The following DOCK5 variants were observed in gnomAD, a reference collection of about 807,000 sequenced individuals.
DOCK5 encodes the protein dedicator of cytokinesis 5.
A neutral mutation model predicts 251.8 loss-of-function variants in DOCK5; 142 were observed. The observed-to-expected ratio is 0.56, with a 90% CI of 0.49 to 0.65. DOCK5 has a LOEUF of 0.65. Among genes scored for constraint, DOCK5 ranks in the 30% least tolerant of loss-of-function variants. The pLI is 0.00. For synonymous variants in DOCK5, 842 were observed against 835.5 expected (o/e 1.01, Z -0.13); for missense variants, 2,111 against 2,312.3 (o/e 0.91, Z 1.79).
intron 2 of DOCK5, among the ~76,000 whole-genome samples, chr8:25,250,912 T>G (rs1260490673): frequency 2.0e-5 from 3 of 152,190 alleles, no homozygotes; most frequent in African/African-American, 7.2e-5. Flanking sequence ...GCTGTCTTTG[T>G]GACAAGGACA....
At chr8:25,262,290 A>C (rs1007057712) in intron 2 of DOCK5, among the ~76,000 whole-genome samples, 1 of 151,892 alleles carries the variant, frequency 6.6e-6, no homozygotes, top group African/African-American at 2.4e-5. Flanking sequence ...TAGAGTTATA[A>C]TTTGCATAGA....
chr8:25,308,096 G>A (rs1804995107), intron 11 of DOCK5, among the ~76,000 whole-genome samples: 1 of 152,126 alleles, frequency 6.6e-6, no homozygotes, highest in Non-Finnish European at 1.5e-5. Context: ...CTATTGTACT[G>A]CACCAGGCCG....
At chr8:25,265,850 C>T (rs1426220838) in intron 2 of DOCK5, among the ~76,000 whole-genome samples, 3 of 151,750 alleles carry the variant, frequency 2.0e-5, no homozygotes, top group Non-Finnish European at 4.4e-5. Context: ...CTTGAGAAGC[C>T]AGATTTAAAG....
At chr8:25,398,736 G>A (rs562441210) in intron 45 of DOCK5, among the ~76,000 whole-genome samples, 1 of 152,154 alleles carries the variant, frequency 6.6e-6, no homozygotes, top group East Asian at 1.9e-4. Flanking sequence ...CTTTTTATAA[G>A]GACACCAGTC....
chr8:25,403,480 A>AG, intron 47 of DOCK5, 78 bp from the exon 48 acceptor site: 1 of 1,512,244 alleles, frequency 6.6e-7, no homozygotes, highest in Non-Finnish European at 9.1e-7. Context: ...GTTAGCCACA[A>AG]GCAAACAGGG....
At chr8:25,278,540 G>T (rs768219732) in intron 4 of DOCK5, 29 bp from the exon 5 acceptor site, 18 of 1,609,806 alleles carry the variant, frequency 1.1e-5, no homozygotes, top group Admixed American at 1.0e-4. Context: ...CAGCCTAGAA[G>T]AAAGTGACCC....
At chr8:25,402,093 A>T (rs1186533250) in intron 47 of DOCK5, among the ~76,000 whole-genome samples, 1 of 151,990 alleles carries the variant, frequency 6.6e-6, no homozygotes, top group Non-Finnish European at 1.5e-5. Context: ...CTTTGAATTC[A>T]TCCTGTTCTC....
intron 1 of DOCK5, among the ~76,000 whole-genome samples, chr8:25,233,584 G>A (rs1277628025): frequency 6.6e-6 from 1 of 152,182 alleles, no homozygotes; most frequent in Non-Finnish European, 1.5e-5. Context: ...CTTTACTGAT[G>A]AGGGAACAGA....
At chr8:25,400,447 G>A (rs1801418162) in intron 46 of DOCK5, among the ~76,000 whole-genome samples, 1 of 125,356 alleles carries the variant, frequency 8.0e-6, no homozygotes, top group South Asian at 2.7e-4. Context: ...GCAGTGAGCC[G>A]AGATCACGCC....
intron 44 of DOCK5, among the ~76,000 whole-genome samples, chr8:25,393,531 A>G (rs1234521886): frequency 1.3e-5 from 2 of 152,122 alleles, no homozygotes; most frequent in African/African-American, 4.8e-5. Context: ...CTTCTGCCCC[A>G]TCTCCTAGGC....
At chr8:25,295,879 G>A (rs1216103847) in intron 6 of DOCK5, among the ~76,000 whole-genome samples, 3 of 152,066 alleles carry the variant, frequency 2.0e-5, no homozygotes, top group Admixed American at 2.0e-4. Flanking sequence ...GAGTGCAGTG[G>A]TGCAATCCTG....
At chr8:25,194,838 A>G (rs937370046) in intron 1 of DOCK5, among the ~76,000 whole-genome samples, 4 of 152,028 alleles carry the variant, frequency 2.6e-5, no homozygotes, top group Non-Finnish European at 5.9e-5. Flanking sequence ...CTTCCTCCAA[A>G]ATATGTCCTC....
chr8:25,410,956 T>C (rs1392064313), intron 51 of DOCK5, among the ~76,000 whole-genome samples: 1 of 29,394 alleles, frequency 3.4e-5, no homozygotes, highest in African/African-American at 8.1e-5. Flanking sequence ...TGTGTGTGTG[T>C]GTGTGTGTGT....
chr8:25,243,360 T>A (rs1271053395), intron 1 of DOCK5, among the ~76,000 whole-genome samples: 1 of 150,596 alleles, frequency 6.6e-6, no homozygotes, highest in Non-Finnish European at 1.5e-5. Context: ...AGACGGAGTC[T>A]CATTTTATCA....
chr8:25,222,896 G>C (rs1510759), intron 1 of DOCK5, among the ~76,000 whole-genome samples: 37,452 of 152,102 alleles, frequency 0.25, 6,076 homozygotes, highest in African/African-American at 0.46. Flanking sequence ...TGGCAGCTAC[G>C]TCGCCAGCAG....
At chr8:25,281,343 G>A (rs922723591) in intron 5 of DOCK5, among the ~76,000 whole-genome samples, 5 of 148,902 alleles carry the variant, frequency 3.4e-5, no homozygotes, top group African/African-American at 9.9e-5. Context: ...CAGGAGAATC[G>A]CAGGAGAATC....
rs570017383 is a variant in DOCK5, at chr8:25,299,114, C to A, written c.764+13C>A. On this transcript the variant is annotated intron_variant, in intron 8 of 51. Transcript: ENST00000276440. ...CCACTTTTATCAGGTAGCAGAGACCCACATCCCCTGCTGCTGACCTAACAA... is the reference window on the plus strand; with the variant it reads ...CCACTTTTATCAGGTAGCAGAGACCAACATCCCCTGCTGCTGACCTAACAA... The A allele has an allele frequency of 6.2e-7, 1 of 1,611,794 alleles. No individual in the cohort carries two copies. Among genetic ancestry groups the A allele is most frequent in the South Asian group, 1.1e-5 (1 of 90,732 alleles).
chr8:25,396,763 CGTGTGTGTGTGTGTGT>C (rs5890230), intron 45 of DOCK5, among the ~76,000 whole-genome samples: 44,156 of 147,152 alleles, frequency 0.3, 6,536 homozygotes, highest in Non-Finnish European at 0.32. Flanking sequence ...CTCTTGTGTC[CGTGTGTGTGTGTGTGT>C]GTGTGTGTGT....
intron 5 of DOCK5, among the ~76,000 whole-genome samples, chr8:25,287,770 C>T (rs552356424): frequency 6.6e-6 from 1 of 152,048 alleles, no homozygotes; most frequent in East Asian, 1.9e-4. Flanking sequence ...CGAGAGATAA[C>T]CGAGAAGGCT....
Sources: allele counts gnomAD v4.1 joint callset (sites outside exome capture counted in the v4.1 genomes callset), GRCh38; gene constraint gnomAD v4.1.1; transcripts MANE v1.5; gene names NCBI Gene and HGNC (gene_info 2026-07-23, HGNC 2026-07-21).